Variants in PTK2B observed in about 807,000 individuals in gnomAD.
The protein encoded by PTK2B is protein tyrosine kinase 2 beta.
A neutral mutation model predicts 142.9 loss-of-function variants in PTK2B; 71 were observed. The observed-to-expected ratio is 0.50, with a 90% CI of 0.41 to 0.61. The LOEUF (loss-of-function observed/expected upper bound fraction) is 0.61. Among genes scored for constraint, PTK2B ranks in the 20% least tolerant of loss-of-function variants. The probability of loss-of-function intolerance (pLI) is 0.00; values close to 1 mark genes in which losing one functional copy is unlikely to be tolerated. For synonymous variants in PTK2B, 519 were observed against 503.4 expected, an observed-to-expected ratio of 1.03 and a Z score of -0.42; for missense variants, 1,105 against 1,320.4, an observed-to-expected ratio of 0.84 and a Z score of 2.53.
intron 2 of PTK2B, among the ~76,000 whole-genome samples, chr8:27,410,531 A>G (rs989591550): frequency 6.6e-6 from 1 of 152,252 alleles, no homozygotes; most frequent in Non-Finnish European, 1.5e-5. Flanking sequence ...TGTTGTTTTC[A>G]AAAACCCAGC....
intron 1 of PTK2B, among the ~76,000 whole-genome samples, chr8:27,339,468 A>C (rs1334563012): frequency 1.3e-5 from 2 of 152,160 alleles, no homozygotes; most frequent in African/African-American, 4.8e-5. Context: ...TTCTTAAGAA[A>C]ATGTGTCAGC....
intron 5 of PTK2B, among the ~76,000 whole-genome samples, chr8:27,428,703 C>G (rs1223205090): frequency 6.6e-6 from 1 of 152,222 alleles, no homozygotes; most frequent in Non-Finnish European, 1.5e-5. Flanking sequence ...CCTACTCCAA[C>G]TAGCTGTGAT....
chr8:27,436,705 A>G (rs1377328225), intron 15 of PTK2B, among the ~76,000 whole-genome samples: 1 of 152,168 alleles, frequency 6.6e-6, no homozygotes, highest in Non-Finnish European at 1.5e-5. Context: ...GGGGCAGGGT[A>G]AGGCTGACCG....
At chr8:27,450,170 G>T (rs1002761229) in intron 24 of PTK2B, among the ~76,000 whole-genome samples, 5 of 152,188 alleles carry the variant, frequency 3.3e-5, no homozygotes, top group Non-Finnish European at 5.9e-5. Flanking sequence ...GCTGTTGCTT[G>T]TTCTCTCAGG....
At chr8:27,414,492 C>T (rs1276084147) in intron 2 of PTK2B, among the ~76,000 whole-genome samples, 3 of 147,662 alleles carry the variant, frequency 2.0e-5, no homozygotes, top group African/African-American at 5.0e-5. Context: ...GTGATCCGCC[C>T]GCCTCAGCCT....
intron 2 of PTK2B, among the ~76,000 whole-genome samples, chr8:27,407,477 T>C (rs917396379): frequency 2.6e-5 from 4 of 152,340 alleles, no homozygotes; most frequent in Admixed American, 2.6e-4. Flanking sequence ...TGAGGCTCCT[T>C]GACTGCACTT....
intron 1 of PTK2B, among the ~76,000 whole-genome samples, chr8:27,376,566 T>C (rs1048323478): frequency 1.3e-5 from 2 of 152,100 alleles, no homozygotes; most frequent in South Asian, 2.1e-4. Context: ...CAGGGTGAGA[T>C]AGGAAGTCAG....
At chr8:27,340,365 G>T (rs921893317) in intron 1 of PTK2B, among the ~76,000 whole-genome samples, 1 of 152,216 alleles carries the variant, frequency 6.6e-6, no homozygotes, top group South Asian at 2.1e-4. Flanking sequence ...GTTGGGTGAG[G>T]TGCTTTACAG....
intron 1 of PTK2B, among the ~76,000 whole-genome samples, chr8:27,344,150 C>T (rs1056938668): frequency 6.6e-6 from 1 of 152,182 alleles, no homozygotes; most frequent in African/African-American, 2.4e-5. Context: ...CACCCCTCAG[C>T]CCATGTATTT....
intron 1 of PTK2B, among the ~76,000 whole-genome samples, chr8:27,383,220 T>G (rs188933107): frequency 6.6e-6 from 1 of 152,202 alleles, no homozygotes; most frequent in Admixed American, 6.5e-5. Flanking sequence ...TGTGTGTGTG[T>G]CCTCTTCTAA....
chr8:27,338,024 C>T (rs898051715), intron 1 of PTK2B, among the ~76,000 whole-genome samples: 1 of 152,174 alleles, frequency 6.6e-6, no homozygotes. Flanking sequence ...CTCGCCAACA[C>T]TTGTTGTTGT....
chr8:27,346,355 C>T lies in PTK2B; in HGVS notation c.-38+20674C>T, dbSNP rs1297141744. On this transcript the variant is annotated intron_variant, in intron 1 of 30. Coordinates refer to ENST00000346049, the MANE Select transcript of PTK2B (RefSeq NM_173176.3). ...TTCAAGACTAGCCTGGGCAACATGA[C>T]GAGACCCTGCCTCCACACAAAAAAA... Among the ~76,000 whole-genome samples the T allele has an allele frequency of 2.0e-5, 3 of 152,212 alleles. No individual in the cohort carries two copies. In the East Asian group the frequency reaches 5.8e-4, roughly 29 times the overall value.
intron 20 of PTK2B, 120 bp from the exon 21 acceptor site, chr8:27,440,117 G>A (rs1394386747): frequency 3.0e-6 from 3 of 991,302 alleles, no homozygotes; most frequent in Non-Finnish European, 4.6e-6. Context: ...GGGTGCTGGA[G>A]GAGGAGGAGG....
intron 1 of PTK2B, among the ~76,000 whole-genome samples, chr8:27,362,928 C>T (rs952434471): frequency 4.6e-5 from 7 of 152,302 alleles, no homozygotes; most frequent in Admixed American, 6.5e-5. Flanking sequence ...TCAGTAGGTG[C>T]GGCAGTGTCA....
chr8:27,433,731 C>G lies in PTK2B; in HGVS notation c.1105+179C>G, dbSNP rs538337934. Among the ~76,000 whole-genome samples, 8 of 152,318 alleles carry G rather than the reference C, an allele frequency of 5.3e-5. No individual in the cohort carries two copies. In the East Asian group the frequency reaches 1.5e-3, roughly 29 times the overall value. On this transcript the variant is annotated intron_variant, in intron 11 of 30. Transcript: ENST00000346049. ...AGGCTTTAAGCCCTGGCCGGTCCAC[C>G]TACCCACAGCCCTGCTAATCAAGGT...
intron 2 of PTK2B, among the ~76,000 whole-genome samples, chr8:27,413,458 T>A (rs1354546427): frequency 6.6e-6 from 1 of 152,192 alleles, no homozygotes; most frequent in Non-Finnish European, 1.5e-5. Flanking sequence ...TCTCCTCCAA[T>A]CTGGGAGAGT....
upstream of PTK2B, among the ~76,000 whole-genome samples, chr8:27,321,864 A>T (rs1457150550): frequency 6.6e-6 from 1 of 152,220 alleles, no homozygotes; most frequent in Non-Finnish European, 1.5e-5. Flanking sequence ...TATTCAAGCC[A>T]TACTCAACTT....
chr8:27,406,089 G>T (rs375180885), intron 2 of PTK2B, among the ~76,000 whole-genome samples: 3 of 152,196 alleles, frequency 2.0e-5, no homozygotes, highest in African/African-American at 7.2e-5. Flanking sequence ...CTCCTTGCCT[G>T]TCCCAGCTTC....
At chr8:27,420,189 AGTG>A (rs1809658776) in intron 3 of PTK2B, 116 bp downstream of exon 3, 6 of 1,247,882 alleles carry the variant, frequency 4.8e-6, no homozygotes, top group Non-Finnish European at 6.7e-6. Flanking sequence ...AGCAAACCTG[AGTG>A]GCATTCTAGG....
Sources: gnomAD v4.1 joint callset for allele counts (sites outside exome capture counted in the v4.1 genomes callset) on GRCh38, gnomAD v4.1.1 for gene constraint, MANE v1.5 for transcripts, NCBI Gene and HGNC (gene_info 2026-07-23, HGNC 2026-07-21) for gene names.